The following DYNC2H1 variants were observed in gnomAD, a reference collection of about 807,000 sequenced individuals.
The protein encoded by DYNC2H1 is dynein cytoplasmic 2 heavy chain 1.
DYNC2H1 carries 410 observed loss-of-function variants against 570.0 expected under a neutral mutation model. The observed-to-expected ratio is 0.72, with a 90% CI of 0.66 to 0.78. The LOEUF (loss-of-function observed/expected upper bound fraction) is 0.78, where lower values mean the gene tolerates loss of function less well. Ranked by LOEUF, DYNC2H1 falls within the 30% of genes least tolerant of loss-of-function variation. The pLI is 0.00. For synonymous variants in DYNC2H1, 1,688 were observed against 1,677.6 expected, an observed-to-expected ratio of 1.01 and a Z score of -0.15; for missense variants, 4,865 against 5,046.4, an observed-to-expected ratio of 0.96 and a Z score of 1.09.
chr11:103,344,852 AC>A (rs1479276089), intron 82 of DYNC2H1, among the ~76,000 whole-genome samples: 1 of 152,180 alleles, frequency 6.6e-6, no homozygotes, highest in East Asian at 1.9e-4. Context: ...ATATAATGAA[AC>A]CCATGAACCA....
chr11:103,428,155 A>G (rs1709145), intron 84 of DYNC2H1, among the ~76,000 whole-genome samples: 82,638 of 149,598 alleles, frequency 0.55, 23,460 homozygotes, highest in East Asian at 0.71. Flanking sequence ...TCATTAGTCA[A>G]ATGGATATAT....
chr11:103,372,020 C>CT (rs1941179317), intron 83 of DYNC2H1, among the ~76,000 whole-genome samples: 1 of 89,240 alleles, frequency 1.1e-5, no homozygotes, highest in African/African-American at 3.9e-5. Context: ...AAGTGGGCAA[C>CT]TTTGTCTTGT....
chr11:103,375,044 C>T (rs1236208037), intron 83 of DYNC2H1, among the ~76,000 whole-genome samples: 1 of 152,196 alleles, frequency 6.6e-6, no homozygotes, highest in Non-Finnish European at 1.5e-5. Flanking sequence ...TCTAAGGCCC[C>T]CTTGCTGTGT....
At chr11:103,127,262 A>G (rs1224852415) in intron 12 of DYNC2H1, among the ~76,000 whole-genome samples, 1 of 152,238 alleles carries the variant, frequency 6.6e-6, no homozygotes, top group African/African-American at 2.4e-5. Flanking sequence ...CAAAAAATGA[A>G]TGGTCATAGG....
chr11:103,417,757 T>G (rs1401907582), intron 84 of DYNC2H1, among the ~76,000 whole-genome samples: 1 of 151,972 alleles, frequency 6.6e-6, no homozygotes, highest in Non-Finnish European at 1.5e-5. Flanking sequence ...GTGCCTGTAA[T>G]TCCAGCTACA....
chr11:103,385,430 G>T (rs1941831941), intron 83 of DYNC2H1, among the ~76,000 whole-genome samples: 1 of 151,544 alleles, frequency 6.6e-6, no homozygotes, highest in African/African-American at 2.4e-5. Flanking sequence ...TTTTTCAGCT[G>T]AATCTGATCT....
At chr11:103,352,831 A>G (rs534326687) in intron 82 of DYNC2H1, among the ~76,000 whole-genome samples, 1 of 152,338 alleles carries the variant, frequency 6.6e-6, no homozygotes, top group South Asian at 2.1e-4. Flanking sequence ...TCATTCCATT[A>G]TAAAGATACA....
At position 103,245,814 on chromosome 11, in the gene DYNC2H1, A is replaced by G. The variant is rs563409415; in HGVS notation, c.10042+440A>G. 6.6e-6 allele frequency among the ~76,000 whole-genome samples: 1 copy of G among 152,168 alleles called. No homozygotes were observed. Among genetic ancestry groups the G allele is most frequent in the African/African-American group, 2.4e-5 (1 of 41,564 alleles). On this transcript the variant is annotated intron_variant, in intron 65 of 88. Coordinates refer to ENST00000375735, the MANE Select transcript of DYNC2H1 (RefSeq NM_001377.3). The surrounding 1 kb of genome is among the most constrained non-coding windows in gnomAD (Gnocchi z 4.5). ...CTTTCTAAAGAGTCTCAGGATTGCT[A>G]TGTTAATTCTTTTCTGCATAGGAAC...
In DYNC2H1 at chr11:103,129,425, G is replaced by C. The variant is rs1415997426; in HGVS notation, c.1953+420G>C. The stretch of plus-strand genomic sequence containing the variant: ...AGGCTGGGTGCAGTGGCTTACGCCT[G>C]TCATCCCAGCACTTTCGAGGCCGAG... On this transcript the variant is annotated intron_variant, in intron 13 of 88. Coordinates refer to ENST00000375735, the MANE Select transcript of DYNC2H1 (RefSeq NM_001377.3). The surrounding 1 kb of genome is among the most constrained non-coding windows in gnomAD (Gnocchi z 4.1). Among the ~76,000 whole-genome samples the C allele has an allele frequency of 6.6e-6, 1 of 152,198 alleles. No homozygotes were observed. The highest frequency in any genetic ancestry group is 1.5e-5 in the Non-Finnish European group (1 of 68,028).
At chr11:103,413,994 C>T (rs998922865) in intron 84 of DYNC2H1, among the ~76,000 whole-genome samples, 2 of 152,020 alleles carry the variant, frequency 1.3e-5, no homozygotes, top group African/African-American at 4.8e-5. Flanking sequence ...GGACTTTATG[C>T]CATGCTAAAA....
chr11:103,263,022 C>CAAAAAAA (rs35912109), intron 70 of DYNC2H1, among the ~76,000 whole-genome samples: 16 of 39,972 alleles, frequency 4.0e-4, no homozygotes, highest in Non-Finnish European at 4.3e-4. Flanking sequence ...AAATGGAAAG[C>CAAAAAAA]AAAAAAAAAA....
At chr11:103,291,042 A>G (rs1005657222) in intron 75 of DYNC2H1, among the ~76,000 whole-genome samples, 2 of 152,176 alleles carry the variant, frequency 1.3e-5, no homozygotes, top group Non-Finnish European at 2.9e-5. Flanking sequence ...GAAGTGAAGG[A>G]GGGGATGCTG....
chr11:103,213,683 G>T (rs1299831562), intron 54 of DYNC2H1, among the ~76,000 whole-genome samples: 1 of 150,722 alleles, frequency 6.6e-6, no homozygotes, highest in Non-Finnish European at 1.5e-5. Flanking sequence ...ATTCTTTGTT[G>T]TTGTTGTTCA....
intron 6 of DYNC2H1, among the ~76,000 whole-genome samples, chr11:103,118,970 G>A (rs1193748931): frequency 6.6e-6 from 1 of 151,650 alleles, no homozygotes; most frequent in Non-Finnish European, 1.5e-5. Flanking sequence ...GTTACAAAAT[G>A]GTGATTTTCT....
rs200828205 is a variant in DYNC2H1 at position 103,321,583 on chromosome 11, GA to G, written c.11934+351del. ...AGGCATGAGTATACTCTCATATATT[GA>G]AAAATATGAAAGAAGACAAATATTA... On this transcript the variant is annotated intron_variant, in intron 81 of 88. Coordinates refer to ENST00000375735, the MANE Select transcript of DYNC2H1 (RefSeq NM_001377.3). 3.8e-3 allele frequency among the ~76,000 whole-genome samples: 577 copies of G among 152,160 alleles called. 5 individuals carry two copies. Among genetic ancestry groups the G allele is most frequent in the African/African-American group, 0.013 (555 of 41,532 alleles).
At chr11:103,358,525 A>G (rs1940471309) in intron 83 of DYNC2H1, among the ~76,000 whole-genome samples, 166 bp downstream of exon 83, 1 of 152,206 alleles carries the variant, frequency 6.6e-6, no homozygotes, top group Admixed American at 6.5e-5. Flanking sequence ...CATCAAAGTT[A>G]GTATTTTTTA....
intron 83 of DYNC2H1, among the ~76,000 whole-genome samples, chr11:103,392,523 A>C (rs750244146): frequency 6.6e-6 from 1 of 152,196 alleles, no homozygotes; most frequent in Non-Finnish European, 1.5e-5. Flanking sequence ...CCGCAGTGAG[A>C]TGAACCCGGT....
At chr11:103,337,536 T>C (rs7929035) in intron 82 of DYNC2H1, among the ~76,000 whole-genome samples, 32,886 of 152,050 alleles carry the variant, frequency 0.22, 3,668 homozygotes, top group Admixed American at 0.31. Context: ...ACATCCTCCG[T>C]AGCATCCATT....
intron 82 of DYNC2H1, among the ~76,000 whole-genome samples, chr11:103,348,319 A>C (rs1269501412): frequency 6.6e-6 from 1 of 152,196 alleles, no homozygotes; most frequent in East Asian, 1.9e-4. Flanking sequence ...ATTAGCATTC[A>C]GTAAACAGCA....
Sources: gnomAD v4.1 joint callset for allele counts (sites outside exome capture counted in the v4.1 genomes callset) on GRCh38, gnomAD v4.1.1 for gene constraint, Gnocchi (gnomAD v3.1) non-coding constraint, MANE v1.5 for transcripts, NCBI Gene and HGNC (gene_info 2026-07-23, HGNC 2026-07-21) for gene names.